The following PACS1 variants were observed in gnomAD, a reference collection of about 807,000 sequenced individuals.
PACS1 encodes phosphofurin acidic cluster sorting protein 1.
Under a neutral mutation model 115.0 loss-of-function variants are expected in PACS1, and 24 were observed. That is an observed-to-expected ratio of 0.21 (90% CI 0.15 to 0.29). The LOEUF (loss-of-function observed/expected upper bound fraction) is 0.29, where lower values mean the gene tolerates loss of function less well. Ranked by LOEUF, PACS1 falls within the 10% of genes least tolerant of loss-of-function variation. The pLI is 1.00. For missense variants in PACS1, 838 were observed against 1,251.2 expected, an observed-to-expected ratio of 0.67 and a Z score of 4.98; for synonymous variants, 453 against 504.5, an observed-to-expected ratio of 0.90 and a Z score of 1.37.
chr11:66,227,559 A>G lies in PACS1; in HGVS notation c.1349A>G (p.Asp450Gly), dbSNP rs1239297294. Residue 450 changes from aspartate to glycine, a missense_variant, in exon 11 of 24, where the codon GAC becomes GGC. Asp to Gly is a moderately conservative substitution (Grantham distance 94, BLOSUM62 -1). Transcript: ENST00000320580. ...IKSTWIKNQDDSLTETDTLEI... is the reference protein window; with the variant it reads ...IKSTWIKNQDGSLTETDTLEI... ...TCTACTTGGATTAAAAACCAAGATG[A>G]CAGCTTGACTGAAACAGACACTCTG... The G allele has an allele frequency of 2.1e-5, 34 of 1,611,090 alleles. No homozygotes were observed. Among genetic ancestry groups the G allele is most frequent in the Non-Finnish European group, 2.8e-5 (33 of 1,178,074 alleles).
chr11:66,115,269 G>T (rs865885869), intron 1 of PACS1, among the ~76,000 whole-genome samples: 2 of 150,976 alleles, frequency 1.3e-5, no homozygotes, highest in East Asian at 1.9e-4. Flanking sequence ...ATCAGCAGTT[G>T]GTTATAATGA....
At chr11:66,234,714 C>G (rs1855671997) in intron 17 of PACS1, among the ~76,000 whole-genome samples, 1 of 151,946 alleles carries the variant, frequency 6.6e-6, no homozygotes, top group African/African-American at 2.4e-5. Context: ...CCTGTCTCTA[C>G]AAAAATACAA....
intron 1 of PACS1, among the ~76,000 whole-genome samples, chr11:66,152,983 G>T (rs1429273063): frequency 1.3e-5 from 2 of 152,202 alleles, no homozygotes; most frequent in Non-Finnish European, 2.9e-5. Flanking sequence ...TCCACTAAAA[G>T]AAGTTTTCAG....
chr11:66,140,677 T>G (rs1341098877), intron 1 of PACS1, among the ~76,000 whole-genome samples: 1 of 152,142 alleles, frequency 6.6e-6, no homozygotes, highest in African/African-American at 2.4e-5. Flanking sequence ...TCCTCACCCC[T>G]CCAACCCTGC....
At chr11:66,102,325 T>G (rs1857936463) in intron 1 of PACS1, among the ~76,000 whole-genome samples, 2 of 150,014 alleles carry the variant, frequency 1.3e-5, no homozygotes, top group African/African-American at 5.0e-5. Context: ...ATTATTATTA[T>G]TATTTTATTT....
At chr11:66,124,767 A>G (rs1858531817) in intron 1 of PACS1, among the ~76,000 whole-genome samples, 1 of 152,234 alleles carries the variant, frequency 6.6e-6, no homozygotes, top group Non-Finnish European at 1.5e-5. Context: ...AAGCCAGCTC[A>G]ATGACTTAAA....
intron 1 of PACS1, among the ~76,000 whole-genome samples, chr11:66,192,444 C>T (rs1203037946): frequency 6.6e-6 from 1 of 152,196 alleles, no homozygotes; most frequent in African/African-American, 2.4e-5. Flanking sequence ...GAACAGCAGC[C>T]TCCAAAGGCC....
intron 13 of PACS1, 101 bp from the exon 14 acceptor site, chr11:66,232,071 A>T: frequency 1.4e-6 from 1 of 713,854 alleles, no homozygotes; most frequent in East Asian, 2.6e-5. Flanking sequence ...GTTCTCTCTA[A>T]CACCCCTGCT....
At chr11:66,220,991 C>CT (rs1344024422) in intron 9 of PACS1, among the ~76,000 whole-genome samples, 163 bp from the exon 10 acceptor site, 1 of 152,198 alleles carries the variant, frequency 6.6e-6, no homozygotes, top group Non-Finnish European at 1.5e-5. Flanking sequence ...AGTACCCCCT[C>CT]TCCTGACCCG....
intron 1 of PACS1, among the ~76,000 whole-genome samples, chr11:66,131,101 T>G (rs1022426811): frequency 7.2e-5 from 11 of 152,114 alleles, no homozygotes; most frequent in African/African-American, 2.4e-4. Context: ...AATAAATTAA[T>G]AAGAAGATCC....
intron 19 of PACS1, chr11:66,238,397 C>T: frequency 1.1e-6 from 1 of 952,232 alleles, no homozygotes; most frequent in Non-Finnish European, 1.3e-6. Context: ...GTCTCGCATG[C>T]CCCATCTCAT....
chr11:66,132,554 T>A (rs190697402), intron 1 of PACS1, among the ~76,000 whole-genome samples: 19 of 152,334 alleles, frequency 1.2e-4, no homozygotes, highest in Admixed American at 7.2e-4. Flanking sequence ...TAATACAATG[T>A]AAATGCTATG....
At chr11:66,146,046 A>T (rs536810062) in intron 1 of PACS1, among the ~76,000 whole-genome samples, 6 of 152,164 alleles carry the variant, frequency 3.9e-5, no homozygotes, top group Non-Finnish European at 8.8e-5. Flanking sequence ...TATCTAAAAC[A>T]TCTAGTTTTT....
At chr11:66,071,960 C>T (rs1857316147) in intron 1 of PACS1, among the ~76,000 whole-genome samples, 1 of 152,218 alleles carries the variant, frequency 6.6e-6, no homozygotes. Flanking sequence ...AGCATTATCG[C>T]TTCTGTTGAA....
chr11:66,072,616 G>A (rs1429927261), intron 1 of PACS1, among the ~76,000 whole-genome samples: 1 of 152,122 alleles, frequency 6.6e-6, no homozygotes, highest in East Asian at 1.9e-4. Flanking sequence ...CCAAGCTCAA[G>A]CGAGAGTTGA....
rs141739303 is a variant in PACS1, at chr11:66,239,157, C to T, written c.2309C>T (p.Ser770Phe). Residue 770 changes from serine (S) to phenylalanine (F), a missense_variant, in exon 21 of 24, where the codon TCT becomes TTT. By Grantham distance (155) the Ser-to-Phe change is radical (BLOSUM62 -2). This residue lies in a region of PACS1 where 383 missense variants were observed against 537.0 expected (regional missense o/e 0.71). Transcript: ENST00000320580. ...CCCCTGACAGGCGATGGGGACGATT[C>T]TCCTGTGGTCAGCCTTACTGTGCCC... is the stretch of plus-strand genomic sequence containing the variant. ...SPSTAGDGDD[S>F]PVVSLTVPST... The T allele has an allele frequency of 9.7e-5, 157 of 1,614,072 alleles. No homozygotes were observed. The highest frequency in any genetic ancestry group is 1.1e-4 in the Non-Finnish European group (127 of 1,180,024).
chr11:66,203,678 A>C lies in PACS1; in HGVS notation c.445-6684A>C, dbSNP rs1441261233. Among the ~76,000 whole-genome samples, 4 of 152,238 alleles carry C rather than the reference A, an allele frequency of 2.6e-5. No homozygotes were observed. The East Asian group carries it at 7.7e-4, about 29-fold the overall frequency. On this transcript the variant is annotated intron_variant, in intron 2 of 23. Transcript: ENST00000320580. ...AACACCTACACCAATGGAAGAGAATAGATAATCTAGCAATAAATCCATACA... is the reference window on the plus strand; with the variant it reads ...AACACCTACACCAATGGAAGAGAATCGATAATCTAGCAATAAATCCATACA...
At chr11:66,097,732 G>T (rs894564513) in intron 1 of PACS1, among the ~76,000 whole-genome samples, 1 of 152,180 alleles carries the variant, frequency 6.6e-6, no homozygotes, top group Non-Finnish European at 1.5e-5. Flanking sequence ...CCGACATTTA[G>T]TGCCTGTCTT....
chr11:66,229,399 A>T (rs960700925), intron 11 of PACS1, among the ~76,000 whole-genome samples: 1 of 151,846 alleles, frequency 6.6e-6, no homozygotes, highest in African/African-American at 2.4e-5. Flanking sequence ...AAAAAAATTT[A>T]AAAGGATGTC....
Sources: allele counts gnomAD v4.1 joint callset (sites outside exome capture counted in the v4.1 genomes callset), GRCh38; gene constraint gnomAD v4.1.1; regional missense constraint gnomAD v4.1.1; transcripts MANE v1.5; gene names NCBI Gene and HGNC (gene_info 2026-07-23, HGNC 2026-07-21).